The following ADGRV1 variants were observed in gnomAD, a reference collection of about 807,000 sequenced individuals.
The protein encoded by ADGRV1 is adhesion G protein-coupled receptor V1.
ADGRV1 carries 359 observed loss-of-function variants against 596.2 expected under a neutral mutation model. That is an observed-to-expected ratio of 0.60 (90% CI 0.55 to 0.66). The LOEUF (loss-of-function observed/expected upper bound fraction) is 0.66, where lower values mean the gene tolerates loss of function less well. ADGRV1 is among the 30% of genes least tolerant of loss of function. The probability of loss-of-function intolerance (pLI) is 0.00; values close to 1 mark genes in which losing one functional copy is unlikely to be tolerated. For synonymous variants in ADGRV1, 2,681 were observed against 2,679.2 expected (o/e 1.00, Z -0.02); for missense variants, 7,274 against 7,575.6 (o/e 0.96, Z 1.48).
At chr5:90,560,753 ATATT>A (rs1486952526) in intron 1 of ADGRV1, among the ~76,000 whole-genome samples, 2 of 152,212 alleles carry the variant, frequency 1.3e-5, no homozygotes, top group African/African-American at 2.4e-5. Flanking sequence ...TTTATGCTGT[ATATT>A]TATTAATTGA....
intron 85 of ADGRV1, among the ~76,000 whole-genome samples, chr5:90,986,591 C>T (rs765443726): frequency 6.6e-6 from 1 of 152,082 alleles, no homozygotes; most frequent in Non-Finnish European, 1.5e-5. Context: ...AAACACAATA[C>T]ACACACTAAT....
rs766355750 is a variant in ADGRV1, at chr5:90,811,238, ATTC to A, written c.15983_15985del (p.Phe5328del). On this transcript the variant is annotated inframe_deletion, in exon 74 of 90. Transcript: ENST00000405460. ...ATGATGATGAGCCTGAGGGGCAGGA[ATTC>A]TTCTACGTGTTTCTCACAAACCCTC... is the stretch of plus-strand genomic sequence containing the variant. 8.1e-6 allele frequency: 13 copies of A among 1,612,710 alleles called. No homozygotes were observed. Among genetic ancestry groups the A allele is most frequent in the African/African-American group, 1.3e-5 (1 of 74,924 alleles).
chr5:90,627,162 A>T (rs778818907), intron 6 of ADGRV1, 49 bp from the exon 7 acceptor site: 64 of 982,008 alleles, frequency 6.5e-5, no homozygotes, highest in Non-Finnish European at 8.8e-5. Flanking sequence ...GTTTATTTGC[A>T]GGTGTTTTGG....
intron 85 of ADGRV1, among the ~76,000 whole-genome samples, chr5:91,066,832 G>A (rs539104290): frequency 1.2e-3 from 187 of 152,346 alleles, no homozygotes; most frequent in African/African-American, 4.3e-3. Context: ...GTGAGCAAGG[G>A]GATGGGCCCT....
intron 79 of ADGRV1, among the ~76,000 whole-genome samples, chr5:90,851,291 G>A (rs1766498350): frequency 6.6e-6 from 1 of 151,796 alleles, no homozygotes; most frequent in African/African-American, 2.4e-5. Context: ...AAGAAAATGA[G>A]GACTGAAATT....
intron 87 of ADGRV1, among the ~76,000 whole-genome samples, chr5:91,103,079 G>A (rs1236027325): frequency 7.9e-5 from 12 of 152,144 alleles, no homozygotes; most frequent in Non-Finnish European, 4.4e-5. Context: ...CAAGGATCAT[G>A]TGTGGCAAAC....
At chr5:90,738,461 T>A (rs1416408638) in intron 50 of ADGRV1, among the ~76,000 whole-genome samples, 1 of 152,152 alleles carries the variant, frequency 6.6e-6, no homozygotes, top group Non-Finnish European at 1.5e-5. Context: ...CATTTAAGCT[T>A]AAGTAACTCC....
At chr5:90,578,063 G>A (rs1757476283) in intron 1 of ADGRV1, among the ~76,000 whole-genome samples, 1 of 152,188 alleles carries the variant, frequency 6.6e-6, no homozygotes, top group Non-Finnish European at 1.5e-5. Context: ...TGCAAACAGA[G>A]ACAATTTGAC....
intron 54 of ADGRV1, 37 bp from the exon 55 acceptor site, chr5:90,754,946 G>A: frequency 1.4e-6 from 2 of 1,450,978 alleles, no homozygotes; most frequent in Non-Finnish European, 1.9e-6. Flanking sequence ...ACAGCAAATA[G>A]AAAAGACTAT....
At chr5:90,672,105 T>G (rs1772559179) in intron 21 of ADGRV1, among the ~76,000 whole-genome samples, 1 of 151,680 alleles carries the variant, frequency 6.6e-6, no homozygotes, top group Admixed American at 6.6e-5. Flanking sequence ...TGATGTCATG[T>G]TCCACCCTCT....
chr5:91,031,910 T>G (rs1218835360), intron 85 of ADGRV1, among the ~76,000 whole-genome samples: 1 of 152,124 alleles, frequency 6.6e-6, no homozygotes, highest in Non-Finnish European at 1.5e-5. Context: ...GAGGCAGAGA[T>G]AAGTTGTTCA....
At chr5:91,066,175 C>T (rs536922547) in intron 85 of ADGRV1, among the ~76,000 whole-genome samples, 40 of 152,332 alleles carry the variant, frequency 2.6e-4, no homozygotes, top group African/African-American at 9.1e-4. Flanking sequence ...TAATCAGCTA[C>T]TTCCACAGCC....
At chr5:91,024,435 A>G (rs1312518240) in intron 85 of ADGRV1, among the ~76,000 whole-genome samples, 3 of 152,176 alleles carry the variant, frequency 2.0e-5, no homozygotes, top group African/African-American at 2.4e-5. Context: ...ATTTGAAAAC[A>G]TTAAACCCTT....
In ADGRV1 at chr5:90,934,748, G is replaced by A. The variant is rs117119748; in HGVS notation, c.17857-30667G>A. ...CTTAAACAACAGAAATTTATTTCTC[G>A]CAGTTCCGGAGGCTGGCAAGTAAGA... On this transcript the variant is annotated intron_variant, in intron 83 of 89. Transcript: ENST00000405460. Among the ~76,000 whole-genome samples the A allele has an allele frequency of 3.0e-4, 45 of 152,260 alleles. No homozygotes were observed. The East Asian group carries it at 5.2e-3, about 18-fold the overall frequency.
intron 87 of ADGRV1, among the ~76,000 whole-genome samples, chr5:91,137,104 A>C (rs1363220644): frequency 6.6e-6 from 1 of 152,158 alleles, no homozygotes; most frequent in African/African-American, 2.4e-5. Context: ...ATAAATATGT[A>C]TATGAAATTC....
chr5:90,989,976 C>G (rs1476009384), intron 85 of ADGRV1, among the ~76,000 whole-genome samples: 1 of 152,094 alleles, frequency 6.6e-6, no homozygotes, highest in Admixed American at 6.6e-5. Context: ...GCCACCACAC[C>G]TGGCCAATTT....
intron 83 of ADGRV1, among the ~76,000 whole-genome samples, chr5:90,945,715 G>A (rs1408757475): frequency 6.6e-6 from 1 of 152,176 alleles, no homozygotes; most frequent in Non-Finnish European, 1.5e-5. Context: ...GCCAGACATA[G>A]TGGCTCACTC....
intron 21 of ADGRV1, among the ~76,000 whole-genome samples, chr5:90,665,902 G>T (rs1386036881): frequency 6.7e-6 from 1 of 149,246 alleles, no homozygotes; most frequent in African/African-American, 2.5e-5. Flanking sequence ...AGGTTGTTCA[G>T]TTTCCATGTA....
chr5:91,006,958 G>A (rs1444550861), intron 85 of ADGRV1, among the ~76,000 whole-genome samples: 2 of 152,112 alleles, frequency 1.3e-5, no homozygotes, highest in Admixed American at 6.6e-5. Context: ...AAGTGGAAGT[G>A]CCTGCAAGCC....
Sources: allele counts gnomAD v4.1 joint callset (sites outside exome capture counted in the v4.1 genomes callset), GRCh38; gene constraint gnomAD v4.1.1; transcripts MANE v1.5; gene names NCBI Gene and HGNC (gene_info 2026-07-23, HGNC 2026-07-21).